The following PDE10A variants were observed in gnomAD, a reference collection of about 807,000 sequenced individuals.
PDE10A encodes the protein cAMP and cAMP-inhibited cGMP 3',5'-cyclic phosphodiesterase 10A.
PDE10A carries 39 observed loss-of-function variants against 97.7 expected under a neutral mutation model. The observed-to-expected ratio is 0.40, with a 90% CI of 0.31 to 0.52. The LOEUF (loss-of-function observed/expected upper bound fraction) is 0.52, where lower values mean the gene tolerates loss of function less well. Ranked by LOEUF, PDE10A falls within the 20% of genes least tolerant of loss-of-function variation. PDE10A has a pLI of 0.56. For missense variants in PDE10A, 731 were observed against 1,047.8 expected (o/e 0.70, Z 4.17); for synonymous variants, 371 against 376.8 (o/e 0.98, Z 0.18).
chr6:165,431,581 C>G (rs1789573426), intron 7 of PDE10A, 109 bp from the exon 8 acceptor site: 6 of 314,912 alleles, frequency 1.9e-5, no homozygotes, highest in Admixed American at 5.0e-5. Flanking sequence ...CATATATATA[C>G]TATATATAGT....
At chr6:165,579,988 C>T (rs1017200502) in intron 1 of PDE10A, among the ~76,000 whole-genome samples, 35 of 152,186 alleles carry the variant, frequency 2.3e-4, no homozygotes, top group Non-Finnish European at 4.7e-4. Flanking sequence ...ACCCTCCTCA[C>T]TCTGTTCTAC....
intron 1 of PDE10A, among the ~76,000 whole-genome samples, chr6:165,702,044 C>A (rs909664362): frequency 3.3e-5 from 5 of 152,128 alleles, no homozygotes; most frequent in Admixed American, 2.0e-4. Context: ...GGCCAGGAGG[C>A]AGGCAGGGCC....
At chr6:165,972,537 G>A (rs1216994912) in intron 1 of PDE10A, among the ~76,000 whole-genome samples, 1 of 152,140 alleles carries the variant, frequency 6.6e-6, no homozygotes, top group African/African-American at 2.4e-5. Flanking sequence ...CCCTTAAAAT[G>A]TTTTCAATCC....
At chr6:165,772,476 C>G (rs1480021587) in intron 1 of PDE10A, among the ~76,000 whole-genome samples, 1 of 152,166 alleles carries the variant, frequency 6.6e-6, no homozygotes, top group Non-Finnish European at 1.5e-5. Flanking sequence ...CTAGGGCCTC[C>G]GCGCTGTGGC....
intron 1 of PDE10A, among the ~76,000 whole-genome samples, chr6:165,641,990 C>T (rs1043173545): frequency 6.0e-5 from 9 of 149,368 alleles, no homozygotes; most frequent in African/African-American, 2.2e-4. Context: ...TTTCCTTTGA[C>T]GCCCATTCGG....
At chr6:165,499,347 G>A (rs986672768) in intron 2 of PDE10A, among the ~76,000 whole-genome samples, 1 of 152,162 alleles carries the variant, frequency 6.6e-6, no homozygotes, top group Non-Finnish European at 1.5e-5. Context: ...CTGGACATAC[G>A]TTTTATTTAT....
chr6:165,524,079 C>G (rs773519248), intron 2 of PDE10A, among the ~76,000 whole-genome samples: 6 of 152,186 alleles, frequency 3.9e-5, no homozygotes, highest in Non-Finnish European at 8.8e-5. Flanking sequence ...TGCCCTGCAA[C>G]ATCAGACTCC....
chr6:165,751,540 G>A (rs373322839), intron 1 of PDE10A, among the ~76,000 whole-genome samples: 19 of 152,276 alleles, frequency 1.2e-4, no homozygotes, highest in East Asian at 1.2e-3. Flanking sequence ...CTGTAGAGAG[G>A]CCAAGGCAAC....
chr6:165,366,922 T>C (rs1783808314), intron 18 of PDE10A, among the ~76,000 whole-genome samples: 2 of 152,168 alleles, frequency 1.3e-5, no homozygotes, highest in Admixed American at 6.5e-5. Context: ...AGAAAGATAA[T>C]GGAGCTTGTT....
At chr6:165,343,579 T>G in intron 18 of PDE10A, 77 bp from the exon 19 acceptor site, 1 of 1,023,824 alleles carries the variant, frequency 9.8e-7, no homozygotes. Flanking sequence ...CTTCTGTATT[T>G]CAGGAGTGAA....
chr6:165,726,643 G>T (rs949541179), intron 1 of PDE10A, among the ~76,000 whole-genome samples: 3 of 152,160 alleles, frequency 2.0e-5, no homozygotes, highest in African/African-American at 7.2e-5. Flanking sequence ...ATCCTTGTCT[G>T]TTCCTTTGTT....
At chr6:165,501,959 C>T (rs1780915802) in intron 2 of PDE10A, among the ~76,000 whole-genome samples, 1 of 152,128 alleles carries the variant, frequency 6.6e-6, no homozygotes, top group Non-Finnish European at 1.5e-5. Context: ...TGTAAATCAA[C>T]GAACCAAAAC....
chr6:165,882,182 A>G (rs1781499122), intron 1 of PDE10A, among the ~76,000 whole-genome samples: 1 of 152,212 alleles, frequency 6.6e-6, no homozygotes, highest in Non-Finnish European at 1.5e-5. Context: ...TAGTCAGAAG[A>G]GTAACCCTTG....
intron 1 of PDE10A, among the ~76,000 whole-genome samples, chr6:165,567,268 T>C (rs973422613): frequency 1.7e-4 from 26 of 152,192 alleles, no homozygotes; most frequent in African/African-American, 6.0e-4. Flanking sequence ...GTCAGAAAAG[T>C]GTTACCTTAA....
At chr6:165,579,705 T>C (rs1785506257) in intron 1 of PDE10A, among the ~76,000 whole-genome samples, 1 of 152,170 alleles carries the variant, frequency 6.6e-6, no homozygotes, top group Non-Finnish European at 1.5e-5. Flanking sequence ...GCTGCTCTAC[T>C]AAAAACCCTC....
At chr6:165,931,933 C>T (rs1783149260) in intron 1 of PDE10A, among the ~76,000 whole-genome samples, 1 of 152,108 alleles carries the variant, frequency 6.6e-6, no homozygotes, top group African/African-American at 2.4e-5. Context: ...GAGGCCACAC[C>T]CTGCGGCTCT....
chr6:165,823,848 T>C (rs1163059812), intron 1 of PDE10A, among the ~76,000 whole-genome samples: 1 of 152,184 alleles, frequency 6.6e-6, no homozygotes, highest in Non-Finnish European at 1.5e-5. Context: ...CGCTGTCATA[T>C]ATGCAATCTG....
chr6:165,784,132 C>T (rs559485041), intron 1 of PDE10A, among the ~76,000 whole-genome samples: 5 of 151,764 alleles, frequency 3.3e-5, no homozygotes, highest in South Asian at 4.2e-4. Context: ...GCAGGAGAAT[C>T]GCTTGAACCT....
At chr6:165,824,748 T>C (rs1160092556) in intron 1 of PDE10A, among the ~76,000 whole-genome samples, 1 of 152,076 alleles carries the variant, frequency 6.6e-6, no homozygotes, top group African/African-American at 2.4e-5. Context: ...TTCAGGACAA[T>C]CTATTGTATA....
Sources: allele counts gnomAD v4.1 joint callset (sites outside exome capture counted in the v4.1 genomes callset), GRCh38; gene constraint gnomAD v4.1.1; transcripts MANE v1.5; gene names NCBI Gene and HGNC (gene_info 2026-07-23, HGNC 2026-07-21).